The following PREX1 variants were observed in gnomAD, a reference collection of about 807,000 sequenced individuals.
PREX1 encodes the protein phosphatidylinositol 3,4,5-trisphosphate-dependent Rac exchanger 1 protein.
PREX1 carries 41 observed loss-of-function variants against 198.3 expected under a neutral mutation model. The ratio of observed to expected loss-of-function variants is 0.21; its 90% CI spans 0.16 to 0.27. The LOEUF (loss-of-function observed/expected upper bound fraction) is 0.27. PREX1 is among the 10% of genes least tolerant of loss of function. The probability of loss-of-function intolerance (pLI) is 1.00; values close to 1 mark genes in which losing one functional copy is unlikely to be tolerated. For missense variants in PREX1, 1,620 were observed against 2,200.7 expected, an observed-to-expected ratio of 0.74 and a Z score of 5.28; for synonymous variants, 843 against 887.2, an observed-to-expected ratio of 0.95 and a Z score of 0.89.
chr20:48,670,044 C>A (rs944242572), intron 14 of PREX1, among the ~76,000 whole-genome samples: 1 of 152,174 alleles, frequency 6.6e-6, no homozygotes, highest in Non-Finnish European at 1.5e-5. Context: ...CTCTTATTAA[C>A]CCCACTCGAC....
intron 1 of PREX1, among the ~76,000 whole-genome samples, chr20:48,775,539 C>G (rs139871033): frequency 6.6e-6 from 1 of 152,064 alleles, no homozygotes; most frequent in Non-Finnish European, 1.5e-5. Context: ...AGAGTAAGGA[C>G]TGGGAAAGGG....
At chr20:48,773,640 G>A (rs1359435888) in intron 1 of PREX1, among the ~76,000 whole-genome samples, 4 of 152,174 alleles carry the variant, frequency 2.6e-5, no homozygotes, top group Admixed American at 2.0e-4. Context: ...GAGTGAGCCC[G>A]GTGTGTTCAA....
the PREX1 span, among the ~76,000 whole-genome samples, chr20:48,843,146 C>T: frequency 6.6e-6 from 1 of 152,116 alleles, no homozygotes; most frequent in African/African-American, 2.4e-5. Flanking sequence ...GCTTAGTTTC[C>T]GTATTACTCA....
At chr20:48,724,916 G>GGATCGAA (rs2090002899) in intron 5 of PREX1, among the ~76,000 whole-genome samples, 1 of 152,232 alleles carries the variant, frequency 6.6e-6, no homozygotes. Context: ...ACCTATCTAG[G>GGATCGAA]GATCGAAGCC....
the PREX1 span, among the ~76,000 whole-genome samples, chr20:48,878,241 C>T: frequency 1.3e-5 from 2 of 152,206 alleles, no homozygotes; most frequent in East Asian, 3.8e-4. Flanking sequence ...GGCTGCTCTC[C>T]TTGCATAGCC....
intron 1 of PREX1, among the ~76,000 whole-genome samples, chr20:48,817,754 A>G (rs1041286289): frequency 6.6e-6 from 1 of 152,236 alleles, no homozygotes; most frequent in Non-Finnish European, 1.5e-5. Flanking sequence ...TAGCAATTAT[A>G]TAATTCAAAA....
chr20:48,715,006 C>T (rs1183757177), intron 5 of PREX1, among the ~76,000 whole-genome samples: 8 of 152,124 alleles, frequency 5.3e-5, no homozygotes, highest in Non-Finnish European at 1.0e-4. Context: ...TGAGAAGGCT[C>T]CTGCCCAATT....
intron 5 of PREX1, among the ~76,000 whole-genome samples, chr20:48,725,025 C>G (rs371908160): frequency 1.3e-5 from 2 of 152,356 alleles, no homozygotes; most frequent in African/African-American, 2.4e-5. Flanking sequence ...GTCCCACCCC[C>G]ACGGCTGCGC....
intron 3 of PREX1, among the ~76,000 whole-genome samples, chr20:48,739,766 CCTGA>C (rs1381639564): frequency 6.6e-6 from 1 of 152,202 alleles, no homozygotes; most frequent in African/African-American, 2.4e-5. Flanking sequence ...GACTCTACAG[CCTGA>C]CTGTGTCAGC....
intron 1 of PREX1, among the ~76,000 whole-genome samples, chr20:48,760,416 C>T (rs1192415684): frequency 6.6e-6 from 1 of 152,020 alleles, no homozygotes; most frequent in Non-Finnish European, 1.5e-5. Flanking sequence ...CTGCAGAGCC[C>T]CCCACATCCT....
At chr20:48,676,308 G>A in intron 13 of PREX1, 40 bp from the exon 14 acceptor site, 1 of 1,591,464 alleles carries the variant, frequency 6.3e-7, no homozygotes, top group Non-Finnish European at 8.6e-7. Flanking sequence ...GGGCAGGGCG[G>A]GGAGGACAGA....
chr20:48,784,560 A>G (rs1351105932), intron 1 of PREX1, among the ~76,000 whole-genome samples: 1 of 152,134 alleles, frequency 6.6e-6, no homozygotes, highest in Admixed American at 6.5e-5. Context: ...TTTGGTAACA[A>G]TTATTCTGTG....
intron 5 of PREX1, among the ~76,000 whole-genome samples, chr20:48,717,617 T>G (rs1016795819): frequency 3.3e-5 from 5 of 152,116 alleles, no homozygotes; most frequent in Non-Finnish European, 7.4e-5. Context: ...CCTGCATGCA[T>G]GCAAATCATA....
At chr20:48,714,146 A>G (rs2089950862) in intron 5 of PREX1, among the ~76,000 whole-genome samples, 1 of 152,260 alleles carries the variant, frequency 6.6e-6, no homozygotes, top group Non-Finnish European at 1.5e-5. Context: ...GAGAAAACAC[A>G]GGAGTAAACC....
intron 7 of PREX1, 22 bp downstream of exon 7, chr20:48,700,731 T>C (rs774794507): frequency 2.5e-6 from 4 of 1,612,018 alleles, no homozygotes; most frequent in Non-Finnish European, 3.4e-6. Context: ...CCAGACCCCA[T>C]CCCAGCCTCC....
intron 1 of PREX1, among the ~76,000 whole-genome samples, chr20:48,790,228 G>A (rs1203655143): frequency 6.6e-6 from 1 of 152,196 alleles, no homozygotes; most frequent in Non-Finnish European, 1.5e-5. Context: ...GAATGCTCAG[G>A]ACACAGCCGG....
rs112118969 is a variant in PREX1 at position 48,739,372 on chromosome 20, G to A, written c.415-4722C>T. On this transcript the variant is annotated intron_variant, in intron 3 of 39. Transcript: ENST00000371941. ...CAGACACATATTTTTTTTAGTATAA[G>A]TATGTCTCAAATATTCCATAAGACA... Among the ~76,000 whole-genome samples the A allele has an allele frequency of 3.6e-3, 547 of 152,268 alleles. 7 individuals are homozygous for A. Among genetic ancestry groups the A allele is most frequent in the African/African-American group, 0.012 (486 of 41,538 alleles).
At chr20:48,814,103 G>A (rs1205110436) in intron 1 of PREX1, among the ~76,000 whole-genome samples, 1 of 152,164 alleles carries the variant, frequency 6.6e-6, no homozygotes, top group Non-Finnish European at 1.5e-5. Context: ...CCAGGCTGCG[G>A]CTGCCCCTAC....
intron 14 of PREX1, among the ~76,000 whole-genome samples, chr20:48,675,070 G>A (rs958336601): frequency 6.6e-6 from 1 of 152,326 alleles, no homozygotes. Context: ...ATACTGCTAC[G>A]GTTTGAATGC....
Sources: allele counts gnomAD v4.1 joint callset (sites outside exome capture counted in the v4.1 genomes callset), GRCh38; gene constraint gnomAD v4.1.1; transcripts MANE v1.5; gene names NCBI Gene and HGNC (gene_info 2026-07-23, HGNC 2026-07-21).